The following SLC35F4 variants were observed in gnomAD, a reference collection of about 807,000 sequenced individuals.
The protein encoded by SLC35F4 is chromosome 14 open reading frame 36.
In SLC35F4, 24 loss-of-function variants were observed where a neutral mutation model predicts 44.2. The observed-to-expected ratio is 0.54, with a 90% CI of 0.39 to 0.76. SLC35F4 has a LOEUF of 0.76. Ranked by LOEUF, SLC35F4 falls within the 30% of genes least tolerant of loss-of-function variation. The pLI, the probability that SLC35F4 is intolerant of heterozygous loss-of-function variation, is 0.00. For synonymous variants in SLC35F4, 238 were observed against 223.6 expected (o/e 1.06, Z -0.57); for missense variants, 562 against 586.1 (o/e 0.96, Z 0.42).
At chr14:57,706,710 G>C (rs1454115436) in intron 1 of SLC35F4, among the ~76,000 whole-genome samples, 1 of 152,178 alleles carries the variant, frequency 6.6e-6, no homozygotes, top group African/African-American at 2.4e-5. Context: ...AGCTGGAACA[G>C]CATGTACCAC....
intron 1 of SLC35F4, among the ~76,000 whole-genome samples, chr14:57,698,869 A>G (rs2075456236): frequency 6.6e-6 from 1 of 152,088 alleles, no homozygotes; most frequent in African/African-American, 2.4e-5. Flanking sequence ...CAGGAGATCC[A>G]CGCACCTCGG....
intron 1 of SLC35F4, among the ~76,000 whole-genome samples, chr14:57,849,854 C>A (rs879732920): frequency 2.0e-5 from 3 of 152,166 alleles, no homozygotes; most frequent in Non-Finnish European, 4.4e-5. Flanking sequence ...AACTGACTAT[C>A]ACATTCTAAC....
chr14:57,980,823 C>G (rs1451839327), intron 1 of SLC35F4, among the ~76,000 whole-genome samples: 1 of 152,176 alleles, frequency 6.6e-6, no homozygotes, highest in Non-Finnish European at 1.5e-5. Flanking sequence ...ATTTCAAAAA[C>G]TAAATAGCTA....
chr14:57,713,021 T>C (rs2075851080), intron 1 of SLC35F4, among the ~76,000 whole-genome samples: 1 of 151,438 alleles, frequency 6.6e-6, no homozygotes, highest in Admixed American at 6.6e-5. Context: ...AGTCAGAAAC[T>C]TAAAAAAAAT....
rs184541890 is a variant in SLC35F4 at position 57,690,391 on chromosome 14, T to C, written c.104-96267A>G. Reference sequence around the variant, plus strand: ...AGGACAAAAATTCAACTGGGCTAGATTGAAGAGAGAATAGATAAGGAAGTG... The same window carrying C: ...AGGACAAAAATTCAACTGGGCTAGACTGAAGAGAGAATAGATAAGGAAGTG... On this transcript the variant is annotated intron_variant, in intron 1 of 7. Transcript: ENST00000556826. 2.4e-3 allele frequency among the ~76,000 whole-genome samples: 368 copies of C among 152,206 alleles called. 3 individuals carry two copies. The highest frequency in any genetic ancestry group is 8.7e-3 in the African/African-American group (360 of 41,528).
rs1451461663 is a variant in SLC35F4 at position 57,950,769 on chromosome 14, A to G, written n.282+31144T>C. On this transcript the variant is annotated intron_variant and non_coding_transcript_variant, in intron 1 of 1. Coordinates refer to the SLC35F4 transcript ENST00000556568. The stretch of plus-strand genomic sequence containing the variant: ...TTTTCACCTCTCCCACCCAGGTTAA[A>G]GCAATTCTCCTCCCTCAGCCTCCTG... Among the ~76,000 whole-genome samples, 26 of 148,542 alleles carry G rather than the reference A, an allele frequency of 1.8e-4. No homozygotes were observed. The Admixed American group carries it at 1.8e-3, about 10-fold the overall frequency.
chr14:57,889,272 C>T (rs1232785555), intron 1 of SLC35F4, among the ~76,000 whole-genome samples: 1 of 152,214 alleles, frequency 6.6e-6, no homozygotes, highest in Non-Finnish European at 1.5e-5. Context: ...AGGTCAGGCT[C>T]AGCTTCCTAA....
intron 1 of SLC35F4, among the ~76,000 whole-genome samples, chr14:57,815,744 C>T (rs1430728732): frequency 6.6e-6 from 1 of 152,090 alleles, no homozygotes; most frequent in African/African-American, 2.4e-5. Context: ...CCCTAAATAG[C>T]GCATCTCCCA....
intron 1 of SLC35F4, among the ~76,000 whole-genome samples, chr14:57,854,757 C>G (rs982609627): frequency 1.8e-4 from 28 of 152,222 alleles, no homozygotes; most frequent in Non-Finnish European, 3.7e-4. Context: ...TTTGGAATCA[C>G]CTCATCACAG....
intron 1 of SLC35F4, among the ~76,000 whole-genome samples, chr14:57,608,047 T>C (rs1442488440): frequency 1.3e-5 from 2 of 152,082 alleles, no homozygotes; most frequent in Non-Finnish European, 2.9e-5. Context: ...TGAGTTTAAG[T>C]GCATGAAACT....
At position 57,653,674 on chromosome 14, in the gene SLC35F4, T is replaced by C. The variant is rs144564922; in HGVS notation, c.104-59550A>G. Among the ~76,000 whole-genome samples, 922 of 152,316 alleles carry C rather than the reference T, an allele frequency of 6.1e-3. 4 individuals carry two copies. The highest frequency in any genetic ancestry group is 0.044 in the Middle Eastern group (13 of 294). On this transcript the variant is annotated intron_variant, in intron 1 of 7. Transcript: ENST00000556826. ...GGTTATAGTCCTGAAAATGTTGATC[T>C]GAAGTAAGATATGCCAGGGAGCAGG...
intron 1 of SLC35F4, among the ~76,000 whole-genome samples, chr14:57,942,367 T>A (rs114557508): frequency 6.6e-6 from 1 of 152,230 alleles, no homozygotes; most frequent in South Asian, 2.1e-4. Flanking sequence ...TAGGCTGAAT[T>A]CATTTTGTAA....
intron 1 of SLC35F4, among the ~76,000 whole-genome samples, chr14:57,678,502 C>G (rs1474001150): frequency 2.6e-5 from 4 of 151,930 alleles, no homozygotes; most frequent in African/African-American, 9.7e-5. Flanking sequence ...ATGGGAGGAT[C>G]AAATTAACAC....
In SLC35F4 at chr14:57,865,652, C is replaced by T. The variant is rs2141021794; in HGVS notation, c.103+71G>A. 4.5e-6 allele frequency: 6 copies of T among 1,325,530 alleles called. No individual in the cohort carries two copies. The East Asian group carries it at 1.4e-4, about 31-fold the overall frequency. The allele number at this position is 1,325,530 out of a possible 1,614,324, so 82.1% of individuals were successfully genotyped here. ...TCCGTACCGCGCGCCCGCCCGTCCG[C>T]ATCCCCGCGGCACCCCTGCGCGCCC... On this transcript the variant is annotated intron_variant, in intron 1 of 7. Transcript: ENST00000556826.
At chr14:57,982,451 G>A (rs774402441), upstream of SLC35F4, among the ~76,000 whole-genome samples, 1 of 152,166 alleles carries the variant, frequency 6.6e-6, no homozygotes, top group Non-Finnish European at 1.5e-5. Flanking sequence ...CAACTTCCCT[G>A]ATGAACCAGC....
In SLC35F4 at chr14:57,593,757, C is replaced by T. The variant is rs114294108; in HGVS notation, c.289+182G>A. Among the ~76,000 whole-genome samples, 895 of 152,298 alleles carry T rather than the reference C, an allele frequency of 5.9e-3. 6 individuals are homozygous for T. Among genetic ancestry groups the T allele is most frequent in the African/African-American group, 0.02 (837 of 41,548 alleles). On this transcript the variant is annotated intron_variant, in intron 2 of 7. Transcript: ENST00000556826. ...CATTCAGTTTCTCTGCCATACTATACACCACTAATAGATTGTATCTATATA... is the reference window on the plus strand; with the variant it reads ...CATTCAGTTTCTCTGCCATACTATATACCACTAATAGATTGTATCTATATA...
chr14:57,738,766 TATATATATATATATATATATAG>T (rs2140501277), intron 1 of SLC35F4, among the ~76,000 whole-genome samples: 1 of 80,584 alleles, frequency 1.2e-5, no homozygotes, highest in Non-Finnish European at 3.0e-5. Context: ...TATATATATA[TATATATATATATATATATATAG>T]GCTTCATATG....
intron 1 of SLC35F4, among the ~76,000 whole-genome samples, chr14:57,808,007 T>C (rs1368228273): frequency 6.6e-6 from 1 of 151,692 alleles, no homozygotes; most frequent in Non-Finnish European, 1.5e-5. Context: ...TTGAGACTTA[T>C]TCATTATCAT....
rs189599012 is a variant in SLC35F4 at position 57,924,309 on chromosome 14, A to C, written n.282+57604T>G. Among the ~76,000 whole-genome samples the C allele has an allele frequency of 4.7e-3, 711 of 152,286 alleles. 2 individuals carry two copies. Among genetic ancestry groups the C allele is most frequent in the African/African-American group, 0.016 (655 of 41,562 alleles). On this transcript the variant is annotated intron_variant and non_coding_transcript_variant, in intron 1 of 1. Transcript: ENST00000556568. ...TATAAGAAGTATGACACCAGCATCC[A>C]TCTGCTTGCCTTCTGGTGACAGCTT...
Sources: allele counts gnomAD v4.1 joint callset (sites outside exome capture counted in the v4.1 genomes callset), GRCh38; gene constraint gnomAD v4.1.1; transcripts MANE v1.5; gene names NCBI Gene and HGNC (gene_info 2026-07-23, HGNC 2026-07-21).